Variants in STEAP4 observed in about 807,000 individuals in gnomAD.
STEAP4 encodes STEAP4 metalloreductase, also known as metalloreductase STEAP4.
Under a neutral mutation model 43.6 loss-of-function variants are expected in STEAP4, and 36 were observed. The ratio of observed to expected loss-of-function variants is 0.83; its 90% CI spans 0.63 to 1.09. STEAP4 has a LOEUF of 1.09. Among genes scored for constraint, STEAP4 ranks in the 50% least tolerant of loss-of-function variants. STEAP4 has a pLI of 0.00. For missense variants in STEAP4, 495 were observed against 546.5 expected (o/e 0.91, Z 0.94); for synonymous variants, 191 against 196.7 (o/e 0.97, Z 0.24).
Position 88,295,015 on chromosome 7 carries a change from ATT to A in STEAP4, c.-2-10746_-2-10745del, listed in dbSNP as rs544653100. ...CACCTAATTTTACAAAAATATACAAATTTAAAATGTAAAAAAGTTTTATATGA... is the reference window on the plus strand; with the variant it reads ...CACCTAATTTTACAAAAATATACAAATAAAATGTAAAAAAGTTTTATATGA... On this transcript the variant is annotated intron_variant, in intron 1 of 4. Coordinates refer to ENST00000380079, the MANE Select transcript of STEAP4 (RefSeq NM_024636.4). Among the ~76,000 whole-genome samples the A allele has an allele frequency of 2.0e-5, 3 of 152,320 alleles. No homozygotes were observed. In the South Asian group the frequency reaches 6.2e-4, roughly 32 times the overall value.
At chr7:88,282,538 A>G in intron 3 of STEAP4, 103 bp downstream of exon 3, 2 of 1,107,022 alleles carry the variant, frequency 1.8e-6, no homozygotes, top group East Asian at 5.1e-5. Context: ...TTTAAAAAAG[A>G]AGATGCTTAG....
rs1398175426 is a variant in STEAP4, at chr7:88,277,005, T to C, written c.*2393A>G. 2 of 152,220 alleles carry C rather than the reference T, an allele frequency of 1.3e-5. No homozygotes were observed. Among genetic ancestry groups the C allele is most frequent in the African/African-American group, 4.8e-5 (2 of 41,448 alleles). 9.4% of individuals were successfully genotyped at this position (152,220 alleles called of 1,614,324 possible). A position where few individuals can be genotyped will look rare whatever the true frequency, so the allele number is the denominator to read the frequency against. Reference sequence around the variant, plus strand: ...ATTTTCTATTTTCGGTGACGGACTATGAGCCAGGATAAACACATTACTCTC... The same window carrying C: ...ATTTTCTATTTTCGGTGACGGACTACGAGCCAGGATAAACACATTACTCTC... On this transcript the variant is annotated 3_prime_UTR_variant, in exon 5 of 5. Coordinates refer to ENST00000380079, the MANE Select transcript of STEAP4 (RefSeq NM_024636.4).
At chr7:88,288,380 G>C (rs999096211) in intron 1 of STEAP4, among the ~76,000 whole-genome samples, 1 of 152,130 alleles carries the variant, frequency 6.6e-6, no homozygotes, top group African/African-American at 2.4e-5. Flanking sequence ...ATGTTGGTCA[G>C]GCTGGTCTCG....
chr7:88,270,920 A>T lies in STEAP4; in HGVS notation c.*8478T>A, dbSNP rs1383150731. 6.6e-6 allele frequency: 1 copy of T among 152,126 alleles called. No individual in the cohort carries two copies. The highest frequency in any genetic ancestry group is 1.5e-5 in the Non-Finnish European group (1 of 67,994). The allele number at this position is 152,126 out of a possible 1,614,324, so 9.4% of individuals were successfully genotyped here. The stretch of plus-strand genomic sequence containing the variant: ...TTTGTTTATAATTTTTTAATTAAAA[A>T]TTTTTAATTGACACACGATAATTAT... On this transcript the variant is annotated 3_prime_UTR_variant, in exon 5 of 5. Coordinates refer to ENST00000380079, the MANE Select transcript of STEAP4 (RefSeq NM_024636.4).
chr7:88,283,741 T>C, intron 2 of STEAP4, 73 bp downstream of exon 2: 3 of 1,421,516 alleles, frequency 2.1e-6, no homozygotes, highest in East Asian at 4.6e-5. Flanking sequence ...AATTATATTT[T>C]GGAATCTTTG....
chr7:88,300,863 T>C (rs1181023249), intron 1 of STEAP4, among the ~76,000 whole-genome samples: 1 of 149,178 alleles, frequency 6.7e-6, no homozygotes, highest in East Asian at 1.9e-4. Context: ...CTCACCTTCT[T>C]ACAAGGCTCC....
intron 1 of STEAP4, among the ~76,000 whole-genome samples, chr7:88,304,708 A>T (rs1853099885): frequency 1.3e-5 from 2 of 152,058 alleles, no homozygotes; most frequent in Non-Finnish European, 2.9e-5. Context: ...TTTCCAAAAA[A>T]AAAATGATTT....
In STEAP4 at chr7:88,283,796, A is replaced by G; in HGVS notation, c.456+18T>C. ...GATTCATGTTTTAAAGATTGAGTGT[A>G]AATTTGTTTATTCTTACCTGCCGAC... On this transcript the variant is annotated intron_variant, in intron 2 of 4. Transcript: ENST00000380079. 1 of 1,594,958 alleles carries G rather than the reference A, an allele frequency of 6.3e-7. No homozygotes were observed. Among genetic ancestry groups the G allele is most frequent in the Non-Finnish European group, 8.6e-7 (1 of 1,169,384 alleles).
Position 88,282,907 on chromosome 7 carries a change from T to C in STEAP4, c.718A>G (p.Ile240Val), listed in dbSNP as rs1852649117. 1.2e-6 allele frequency: 2 copies of C among 1,614,188 alleles called. No individual in the cohort carries two copies. The highest frequency in any genetic ancestry group is 1.7e-6 in the Non-Finnish European group (2 of 1,180,036). The change falls in exon 3 of 5, where the codon ATT (isoleucine) becomes GTT (valine). Residue 240 changes from isoleucine to valine, a missense_variant. Coordinates refer to ENST00000380079, the MANE Select transcript of STEAP4 (RefSeq NM_024636.4). The part of the protein sequence containing the change: ...EKKDNTFRMA[I>V]SIPNRIFPIT... ...GGAAAGATACGATTTGGAATGGAAA[T>C]AGCCATACGAAATGTATTATCTTTC...
chr7:88,285,168 C>T (rs1175309451), intron 1 of STEAP4, among the ~76,000 whole-genome samples: 1 of 151,740 alleles, frequency 6.6e-6, no homozygotes, highest in African/African-American at 2.4e-5. Flanking sequence ...GCTGGGAACT[C>T]GATTAAAATA....
intron 1 of STEAP4, among the ~76,000 whole-genome samples, chr7:88,305,964 G>A (rs1853122467): frequency 6.6e-6 from 1 of 152,140 alleles, no homozygotes; most frequent in Non-Finnish European, 1.5e-5. Flanking sequence ...CACCTCCCAG[G>A]TTCAAGTGAT....
chr7:88,295,962 T>C lies in STEAP4; in HGVS notation c.-3+10830A>G, dbSNP rs78294613. On this transcript the variant is annotated intron_variant, in intron 1 of 4. Transcript: ENST00000380079. ...TGAGAAGCTAGAATTCCTCTCTTTT[T>C]GAGAACCGGAGGCAAAATGAGTATG... Among the ~76,000 whole-genome samples the C allele has an allele frequency of 3.3e-3, 502 of 152,252 alleles. 16 individuals carry two copies. In the East Asian group the frequency reaches 0.061, roughly 18 times the overall value.
chr7:88,296,634 A>G (rs769426037), intron 1 of STEAP4, among the ~76,000 whole-genome samples: 1 of 152,110 alleles, frequency 6.6e-6, no homozygotes, highest in Non-Finnish European at 1.5e-5. Flanking sequence ...TTCTGCAACT[A>G]TATCAGTCTT....
chr7:88,300,418 G>A (rs575219236), intron 1 of STEAP4, among the ~76,000 whole-genome samples: 38 of 151,960 alleles, frequency 2.5e-4, no homozygotes, highest in African/African-American at 8.7e-4. Flanking sequence ...TCACCATGTT[G>A]GCCAGGCTGG....
intron 4 of STEAP4, 62 bp downstream of exon 4, chr7:88,280,853 T>A: frequency 7.0e-7 from 1 of 1,423,406 alleles, no homozygotes; most frequent in South Asian, 1.5e-5. Flanking sequence ...AATTTTTAAA[T>A]ATGATTGCTA....
intron 1 of STEAP4, among the ~76,000 whole-genome samples, chr7:88,291,612 G>A (rs2115991512): frequency 6.6e-6 from 1 of 152,200 alleles, no homozygotes; most frequent in Non-Finnish European, 1.5e-5. Context: ...CCCTTTTCAG[G>A]CATCTTGAAA....
intron 1 of STEAP4, among the ~76,000 whole-genome samples, chr7:88,299,189 C>T (rs958035574): frequency 1.3e-5 from 2 of 152,048 alleles, no homozygotes; most frequent in Non-Finnish European, 1.5e-5. Context: ...GGTTCTTTGT[C>T]GAAATTCTAG....
intron 1 of STEAP4, among the ~76,000 whole-genome samples, chr7:88,291,670 A>G (rs763754477): frequency 2.0e-5 from 3 of 152,156 alleles, no homozygotes; most frequent in Non-Finnish European, 2.9e-5. Context: ...TTCCTTGTTC[A>G]AAGACTTAAA....
Position 88,284,153 on chromosome 7 carries a change from G to C in STEAP4, c.117C>G (p.Leu39=), listed in dbSNP as rs756488398. ...DFGRSLGLKM[L]QCGYSVVFGS... is the part of the protein sequence containing the mutation. ...CAAAAACAACAGAATAACCACACTG[G>C]AGCATTTTCAATCCCAGTGATCTTC... The change falls in exon 2 of 5, where the codon CTC becomes CTG. Residue 39 remains leucine, a synonymous_variant. Transcript: ENST00000380079. 5 of 1,613,972 alleles carry C rather than the reference G, an allele frequency of 3.1e-6. No homozygotes were observed. The highest frequency in any genetic ancestry group is 4.2e-6 in the Non-Finnish European group (5 of 1,180,028).
Sources: gnomAD v4.1 joint callset for allele counts (sites outside exome capture counted in the v4.1 genomes callset) on GRCh38, gnomAD v4.1.1 for gene constraint, MANE v1.5 for transcripts, NCBI Gene and HGNC (gene_info 2026-07-23, HGNC 2026-07-21) for gene names.